Variants in DMD observed in about 807,000 individuals in gnomAD.
The protein encoded by DMD is dystrophin.
In DMD, 63 loss-of-function variants were observed where a neutral mutation model predicts 330.1. That is an observed-to-expected ratio of 0.19 (90% CI 0.16 to 0.24). The LOEUF (loss-of-function observed/expected upper bound fraction) is 0.24. Among genes scored for constraint, DMD ranks in the 10% least tolerant of loss-of-function variants. The probability of loss-of-function intolerance (pLI) is 1.00; values close to 1 mark genes in which losing one functional copy is unlikely to be tolerated. For missense variants in DMD, 3,344 were observed against 2,684.1 expected (o/e 1.25, Z -5.43); for synonymous variants, 1,223 against 959.8 (o/e 1.27, Z -5.07).
At chrX:32,897,327 G>C (rs2085813453) in intron 2 of DMD, among the ~76,000 whole-genome samples, 1 of 111,454 alleles carries the variant, frequency 9.0e-6, no homozygotes, top group African/African-American at 3.3e-5. Flanking sequence ...GGAGAAGGAA[G>C]GAAGAAGGAA....
rs750664323 is a variant in DMD, at chrX:32,364,632, A to G, written c.5104T>C (p.Leu1702=). The G allele has an allele frequency of 8.3e-6, 10 of 1,210,666 alleles. No individual in the cohort carries two copies. In the Admixed American group the frequency reaches 1.7e-4, roughly 21 times the overall value. The part of the protein sequence containing the change: ...TKWIIQADTL[L]DESEKKKPQQ... ...GGTTTCTTTTTCTCTGATTCATCCA[A>G]AAGTGTGTCAGCCTGAATGATCCAC... is the stretch of plus-strand genomic sequence containing the variant. Residue 1702 remains leucine (L), a synonymous_variant, in exon 36 of 79, where the codon TTG becomes CTG. Coordinates refer to ENST00000357033, the MANE Select transcript of DMD (RefSeq NM_004006.3).
intron 9 of DMD, among the ~76,000 whole-genome samples, chrX:32,667,357 A>C (rs756916299): frequency 8.9e-6 from 1 of 112,090 alleles, no homozygotes; most frequent in East Asian, 2.8e-4. Context: ...TAAATAAATA[A>C]ATTATATTGA....
intron 44 of DMD, among the ~76,000 whole-genome samples, chrX:32,122,822 T>C (rs1345752286): frequency 1.8e-5 from 2 of 111,266 alleles, no homozygotes; most frequent in African/African-American, 6.5e-5. Context: ...AGTTTTTAAA[T>C]TGTTGTTATT....
chrX:33,183,911 C>A (rs1435582753), intron 1 of DMD, among the ~76,000 whole-genome samples: 2 of 111,306 alleles, frequency 1.8e-5, no homozygotes, highest in Non-Finnish European at 3.8e-5. Flanking sequence ...AAGTCATGGC[C>A]ATTGCTACCA....
At chrX:32,207,805 T>C (rs2097076748) in intron 44 of DMD, among the ~76,000 whole-genome samples, 1 of 112,045 alleles carries the variant, frequency 8.9e-6, no homozygotes, top group Non-Finnish European at 1.9e-5. Flanking sequence ...TTTTAACAAT[T>C]GCATTGTTTT....
At chrX:32,263,131 T>C (rs1346314067) in intron 43 of DMD, among the ~76,000 whole-genome samples, 1 of 112,198 alleles carries the variant, frequency 8.9e-6, no homozygotes, top group East Asian at 2.8e-4. Context: ...TCTGAAGTAA[T>C]CATTTAAATA....
At chrX:32,809,955 G>C (rs189748128) in intron 6 of DMD, among the ~76,000 whole-genome samples, 3 of 67,266 alleles carry the variant, frequency 4.5e-5, no homozygotes, top group African/African-American at 1.5e-4. Flanking sequence ...AAGAAAGAAA[G>C]AAAGAAAGAA....
intron 44 of DMD, among the ~76,000 whole-genome samples, chrX:32,003,567 A>G (rs1002579087): frequency 2.7e-5 from 3 of 111,549 alleles, no homozygotes; most frequent in African/African-American, 9.8e-5. Flanking sequence ...GCTATAAAAG[A>G]TAGAATTTGG....
At chrX:31,128,276 CCT>C (rs1383354859) in intron 77 of DMD, among the ~76,000 whole-genome samples, 4 of 111,979 alleles carry the variant, frequency 3.6e-5, no homozygotes, top group Non-Finnish European at 7.5e-5. Flanking sequence ...TGCTCATCCA[CCT>C]CTCTATGCCC....
chrX:32,852,306 A>C (rs1390231735), intron 2 of DMD, among the ~76,000 whole-genome samples: 3 of 111,212 alleles, frequency 2.7e-5, no homozygotes, highest in African/African-American at 9.8e-5. Flanking sequence ...GGAACTTGCT[A>C]CCTTGAAGAG....
At chrX:31,340,468 A>G (rs772597315) in intron 61 of DMD, among the ~76,000 whole-genome samples, 75 of 112,350 alleles carry the variant, frequency 6.7e-4, no homozygotes, top group Non-Finnish European at 1.2e-3. Context: ...GAAATGATGC[A>G]ATAACTGTTT....
At chrX:31,458,985 C>A (rs1244524171) in intron 59 of DMD, among the ~76,000 whole-genome samples, 1 of 111,623 alleles carries the variant, frequency 9.0e-6, no homozygotes, top group Non-Finnish European at 1.9e-5. Flanking sequence ...TTCTTTTAAC[C>A]TTATGCTTTA....
intron 2 of DMD, among the ~76,000 whole-genome samples, chrX:32,968,968 C>A (rs1469854506): frequency 3.5e-5 from 3 of 85,424 alleles, no homozygotes; most frequent in Non-Finnish European, 6.4e-5. Flanking sequence ...GCAGAGGTTG[C>A]AGTGAGCCAA....
intron 2 of DMD, among the ~76,000 whole-genome samples, chrX:32,982,423 C>T (rs992951474): frequency 2.7e-5 from 3 of 111,091 alleles, no homozygotes; most frequent in Non-Finnish European, 5.7e-5. Context: ...TATGTAACAG[C>T]AAAAAAACTA....
intron 55 of DMD, among the ~76,000 whole-genome samples, chrX:31,585,240 C>T (rs2076533148): frequency 9.5e-6 from 1 of 104,848 alleles, no homozygotes; most frequent in Admixed American, 1.0e-4. Context: ...GGGGGGATCA[C>T]CCGAGCCCAG....
At chrX:32,270,231 A>C (rs886326478) in intron 43 of DMD, among the ~76,000 whole-genome samples, 4 of 112,186 alleles carry the variant, frequency 3.6e-5, no homozygotes, top group African/African-American at 1.3e-4. Flanking sequence ...TGTGACTTAA[A>C]GTTTGTTTCA....
chrX:33,206,332 A>G (rs1272773453), intron 1 of DMD, among the ~76,000 whole-genome samples: 1 of 111,806 alleles, frequency 8.9e-6, no homozygotes, highest in Non-Finnish European at 1.9e-5. Context: ...AAAAATTCTG[A>G]AAGAGTCATT....
At chrX:32,279,673 T>TGGG (rs77151097) in intron 43 of DMD, among the ~76,000 whole-genome samples, 32 of 92,125 alleles carry the variant, frequency 3.5e-4, no homozygotes, top group South Asian at 5.5e-4. Flanking sequence ...TGAAGGGTAG[T>TGGG]GGGGGGGTTG....
intron 1 of DMD, among the ~76,000 whole-genome samples, chrX:33,266,708 A>G (rs1216019999): frequency 4.5e-5 from 5 of 111,895 alleles, no homozygotes; most frequent in Admixed American, 9.6e-5. Flanking sequence ...CATCAAGTAA[A>G]AAGTAGATAA....
Sources: gnomAD v4.1 joint callset for allele counts (sites outside exome capture counted in the v4.1 genomes callset) on GRCh38, gnomAD v4.1.1 for gene constraint, MANE v1.5 for transcripts, NCBI Gene and HGNC (gene_info 2026-07-23, HGNC 2026-07-21) for gene names.